Variants in COL12A1 observed in about 807,000 individuals in gnomAD.
COL12A1 encodes the protein collagen type XII alpha 1 chain, also known as collagen alpha-1(XII) chain.
In COL12A1, 114 loss-of-function variants were observed where a neutral mutation model predicts 349.7. The observed-to-expected ratio is 0.33, with a 90% CI of 0.28 to 0.38. The LOEUF is 0.38. Ranked by LOEUF, COL12A1 falls within the 10% of genes least tolerant of loss-of-function variation. The pLI is 1.00. For missense variants in COL12A1, 3,284 were observed against 3,756.9 expected, an observed-to-expected ratio of 0.87 and a Z score of 3.29; for synonymous variants, 1,369 against 1,329.0, an observed-to-expected ratio of 1.03 and a Z score of -0.66.
intron 14 of COL12A1, among the ~76,000 whole-genome samples, chr6:75,164,306 G>A (rs1413157519): frequency 6.6e-6 from 1 of 152,130 alleles, no homozygotes; most frequent in Non-Finnish European, 1.5e-5. Flanking sequence ...AAAGATTTTA[G>A]TTTAAGGACA....
chr6:75,138,660 C>T lies in COL12A1; in HGVS notation c.5098-80G>A, dbSNP rs240737. The T allele has an allele frequency of 0.31, 484,550 of 1,575,932 alleles. 77,166 individuals carry two copies. Among genetic ancestry groups the T allele is most frequent in the African/African-American group, 0.55 (40,412 of 73,776 alleles). On this transcript the variant is annotated intron_variant, in intron 28 of 65. Transcript: ENST00000322507. ...CATACACACTCAATGGCAGTTTATTCACATTATTTAGCCAGATGTTCCTCC... is the reference window on the plus strand; with the variant it reads ...CATACACACTCAATGGCAGTTTATTTACATTATTTAGCCAGATGTTCCTCC...
In COL12A1 at chr6:75,138,597, A is replaced by T; in HGVS notation, c.5098-17T>A. ...TAAGATGGTCTTGGAGAAAGAGGAC[A>T]AAAACATACCCACGCAAAAGTAAGT... is the stretch of plus-strand genomic sequence containing the variant. On this transcript the variant is annotated splice_polypyrimidine_tract_variant and intron_variant, in intron 28 of 65. Coordinates refer to ENST00000322507, the MANE Select transcript of COL12A1 (RefSeq NM_004370.6). 6.2e-7 allele frequency: 1 copy of T among 1,612,030 alleles called. No homozygotes were observed. Among genetic ancestry groups the T allele is most frequent in the South Asian group, 1.1e-5 (1 of 90,534 alleles).
In COL12A1 at chr6:75,087,594, T is replaced by C; in HGVS notation, c.9164A>G (p.Asn3055Ser). 1.2e-6 allele frequency: 2 copies of C among 1,613,842 alleles called. No homozygotes were observed. The highest frequency in any genetic ancestry group is 1.7e-6 in the Non-Finnish European group (2 of 1,179,856). Residue 3055 changes from asparagine to serine, a missense_variant, in exon 65 of 66, where the codon AAC becomes AGC. Physicochemically the swap from Asn to Ser is conservative, Grantham distance 46 (BLOSUM62 1). Transcript: ENST00000322507. ...DSSQCASIPYNGQGYPGSG is the reference protein window; with the variant it reads ...DSSQCASIPYSGQGYPGSG ...CAACGTACCTGGATAGCCTTGCCCG[T>C]TGTATGGGATGCTGGCACACTGAGA...
chr6:75,097,286 A>G lies in COL12A1; in HGVS notation c.8544T>C (p.Gly2848=). 6.2e-7 allele frequency: 1 copy of G among 1,613,920 alleles called. No homozygotes were observed. The highest frequency in any genetic ancestry group is 8.5e-7 in the Non-Finnish European group (1 of 1,179,862). The change falls in exon 59 of 66, where the codon GGT becomes GGC. Residue 2848 remains glycine, a synonymous_variant. Transcript: ENST00000322507. The stretch of plus-strand genomic sequence containing the variant: ...CTGGTGGGCCCCTGGGTCCCATTGC[A>G]CCGTCTTTTCCAGTGAAGCCCTATT... The part of the protein sequence containing the change: ...PGDRGFTGKD[G]AMGPRGPPGP...
At chr6:75,130,314 G>C in intron 36 of COL12A1, 81 bp from the exon 37 acceptor site, 4 of 1,385,672 alleles carry the variant, frequency 2.9e-6, no homozygotes, top group Non-Finnish European at 4.0e-6. Flanking sequence ...GCTTGCATGT[G>C]TTTCATTCAC....
intron 13 of COL12A1, among the ~76,000 whole-genome samples, chr6:75,168,048 T>C (rs1166939119): frequency 1.3e-5 from 2 of 152,174 alleles, no homozygotes; most frequent in African/African-American, 4.8e-5. Context: ...GCAGGCACTG[T>C]CACTACAACA....
chr6:75,137,634 A>G, intron 30 of COL12A1, 55 bp from the exon 31 acceptor site: 1 of 1,589,794 alleles, frequency 6.3e-7, no homozygotes, highest in South Asian at 1.1e-5. Context: ...GCCTCCCCCT[A>G]AAATATATAC....
chr6:75,162,654 G>A (rs929743690), intron 14 of COL12A1, among the ~76,000 whole-genome samples: 1 of 152,162 alleles, frequency 6.6e-6, no homozygotes, highest in Non-Finnish European at 1.5e-5. Flanking sequence ...AGCCAAAATA[G>A]ACAAATGGAA....
intron 11 of COL12A1, among the ~76,000 whole-genome samples, chr6:75,178,529 A>G (rs866798977): frequency 6.6e-6 from 1 of 152,252 alleles, no homozygotes; most frequent in African/African-American, 2.4e-5. Flanking sequence ...GCTAAGATGC[A>G]CTATGGGTAA....
At chr6:75,173,139 T>C (rs532231378) in intron 13 of COL12A1, among the ~76,000 whole-genome samples, 64 of 152,286 alleles carry the variant, frequency 4.2e-4, no homozygotes, top group African/African-American at 1.4e-3. Flanking sequence ...CATTCTCCCA[T>C]TTGATCTCAA....
intron 37 of COL12A1, among the ~76,000 whole-genome samples, chr6:75,129,514 G>T (rs1342448525): frequency 1.3e-5 from 2 of 152,134 alleles, no homozygotes; most frequent in East Asian, 3.8e-4. Context: ...TGCATAGTGA[G>T]GGCTATGAGG....
In COL12A1 at chr6:75,205,931, A is replaced by C. The variant is rs1770759470; in HGVS notation, c.-190T>G. On this transcript the variant is annotated 5_prime_UTR_variant, in exon 1 of 66. Transcript: ENST00000322507. ...GCCGAGGCGTGGGCAGCTGCGGGGAAGTCCAGGAGGAGGAGGAGAATCCCA... is the reference window on the plus strand; with the variant it reads ...GCCGAGGCGTGGGCAGCTGCGGGGACGTCCAGGAGGAGGAGGAGAATCCCA... 1 of 152,894 alleles carries C rather than the reference A, an allele frequency of 6.5e-6. No individual in the cohort carries two copies. The highest frequency in any genetic ancestry group is 1.5e-5 in the Non-Finnish European group (1 of 68,584). 9.5% of individuals were successfully genotyped at this position (152,894 alleles called of 1,614,324 possible). A position where few individuals can be genotyped will look rare whatever the true frequency, so the allele number is the denominator to read the frequency against.
chr6:75,125,333 TA>T, intron 39 of COL12A1, 60 bp from the exon 40 acceptor site: 1 of 1,480,776 alleles, frequency 6.8e-7, no homozygotes, highest in South Asian at 1.4e-5. Flanking sequence ...AAATTTTGCT[TA>T]AAATTAAAGA....
chr6:75,128,916 G>A (rs1766157638), intron 37 of COL12A1, among the ~76,000 whole-genome samples: 1 of 152,140 alleles, frequency 6.6e-6, no homozygotes, highest in Non-Finnish European at 1.5e-5. Context: ...TATCAGTTTG[G>A]CTGACACTAG....
intron 11 of COL12A1, 93 bp from the exon 12 acceptor site, chr6:75,178,028 C>A: frequency 1.7e-6 from 2 of 1,186,596 alleles, no homozygotes; most frequent in Admixed American, 2.7e-5. Flanking sequence ...CTAAATTATA[C>A]CATTTCTCTA....
chr6:75,158,414 C>T (rs754293437), intron 14 of COL12A1, among the ~76,000 whole-genome samples: 11 of 152,074 alleles, frequency 7.2e-5, no homozygotes, highest in East Asian at 1.9e-4. Flanking sequence ...GAAATCAAAC[C>T]CTGCCAGACC....
intron 59 of COL12A1, among the ~76,000 whole-genome samples, chr6:75,096,048 G>A (rs1768010291): frequency 6.6e-6 from 1 of 152,036 alleles, no homozygotes; most frequent in South Asian, 2.1e-4. Context: ...CTTCCATCAT[G>A]TCAGCACCCT....
intron 46 of COL12A1, 66 bp from the exon 47 acceptor site, chr6:75,117,612 CAA>C: frequency 6.6e-7 from 1 of 1,514,212 alleles, no homozygotes; most frequent in Admixed American, 2.0e-5. Flanking sequence ...TAGAACAATG[CAA>C]AAAAATTCTT....
At chr6:75,098,658 C>CA (rs1257199160) in intron 58 of COL12A1, among the ~76,000 whole-genome samples, 25 of 150,646 alleles carry the variant, frequency 1.7e-4, no homozygotes, top group Non-Finnish European at 3.1e-4. Flanking sequence ...GACCCTATTT[C>CA]AAAAAAAAAC....
Sources: allele counts gnomAD v4.1 joint callset (sites outside exome capture counted in the v4.1 genomes callset), GRCh38; gene constraint gnomAD v4.1.1; transcripts MANE v1.5; gene names NCBI Gene and HGNC (gene_info 2026-07-23, HGNC 2026-07-21).